AGBL4: variants seen among roughly 807,000 people sequenced by gnomAD.
AGBL4 encodes the protein cytosolic carboxypeptidase 6.
In AGBL4, 58 loss-of-function variants were observed where a neutral mutation model predicts 66.4. That is an observed-to-expected ratio of 0.87 (90% CI 0.71 to 1.09). The LOEUF is 1.09. Among genes scored for constraint, AGBL4 ranks in the 50% least tolerant of loss-of-function variants. AGBL4 has a pLI of 0.00. For synonymous variants in AGBL4, 234 were observed against 222.9 expected, an observed-to-expected ratio of 1.05 and a Z score of -0.44; for missense variants, 579 against 631.0, an observed-to-expected ratio of 0.92 and a Z score of 0.88.
intron 2 of AGBL4, among the ~76,000 whole-genome samples, chr1:49,848,474 T>C (rs1270303176): frequency 6.6e-6 from 1 of 152,246 alleles, no homozygotes; most frequent in East Asian, 1.9e-4. Context: ...AATGGAATAC[T>C]ATTCATCCAT....
intron 11 of AGBL4, among the ~76,000 whole-genome samples, chr1:48,554,396 G>T (rs979311413): frequency 1.3e-5 from 2 of 152,146 alleles, no homozygotes; most frequent in African/African-American, 4.8e-5. Flanking sequence ...GAATTGGCTT[G>T]CTTCACAGTT....
At chr1:48,732,246 G>A (rs1357857673) in intron 6 of AGBL4, among the ~76,000 whole-genome samples, 4 of 151,780 alleles carry the variant, frequency 2.6e-5, no homozygotes, top group East Asian at 1.9e-4. Flanking sequence ...AGAGAGAAGT[G>A]AGCAGTGCAG....
At chr1:49,230,602 T>A (rs971070937) in intron 4 of AGBL4, among the ~76,000 whole-genome samples, 1 of 152,170 alleles carries the variant, frequency 6.6e-6, no homozygotes, top group Non-Finnish European at 1.5e-5. Flanking sequence ...TTTAAATCTA[T>A]CTTGGGGTTT....
intron 4 of AGBL4, among the ~76,000 whole-genome samples, chr1:49,092,421 C>T (rs530043552): frequency 6.6e-6 from 1 of 152,256 alleles, no homozygotes; most frequent in African/African-American, 2.4e-5. Context: ...TCTGTTTGTC[C>T]TACACTTGGA....
chr1:49,882,833 ATT>A (rs1647545238), intron 1 of AGBL4, among the ~76,000 whole-genome samples: 1 of 152,110 alleles, frequency 6.6e-6, no homozygotes, highest in South Asian at 2.1e-4. Flanking sequence ...TTGTTGAGGC[ATT>A]GTTTGTTTTA....
chr1:48,541,791 A>G, intron 11 of AGBL4, among the ~76,000 whole-genome samples: 1 of 152,314 alleles, frequency 6.6e-6, no homozygotes, highest in Admixed American at 6.5e-5. Flanking sequence ...AAAAAAATAA[A>G]ATAAATAAAT....
chr1:48,671,205 C>T (rs1011400545), intron 6 of AGBL4, among the ~76,000 whole-genome samples: 1 of 152,218 alleles, frequency 6.6e-6, no homozygotes, highest in Non-Finnish European at 1.5e-5. Flanking sequence ...GTTATGCCAG[C>T]CAGGGTTGCT....
At position 49,241,849 on chromosome 1, in the gene AGBL4, T is replaced by G. The variant is rs534185112; in HGVS notation, c.377+3921A>C. On this transcript the variant is annotated intron_variant, in intron 4 of 13. Transcript: ENST00000371839. The stretch of plus-strand genomic sequence containing the variant: ...TACACATTCAGTTCACATTTGTTTC[T>G]TATAACAACGCTGGGAGGAAGTATT... Among the ~76,000 whole-genome samples the G allele has an allele frequency of 5.3e-5, 8 of 152,148 alleles. No individual in the cohort carries two copies. In the East Asian group the frequency reaches 1.5e-3, roughly 29 times the overall value.
chr1:49,284,236 T>G (rs1027388240), intron 3 of AGBL4, among the ~76,000 whole-genome samples: 61 of 151,984 alleles, frequency 4.0e-4, no homozygotes, highest in South Asian at 1.2e-3. Flanking sequence ...TTAAAGAAAA[T>G]AATTTTCAAT....
At chr1:49,978,848 T>C (rs1246115683) in intron 1 of AGBL4, among the ~76,000 whole-genome samples, 1 of 152,240 alleles carries the variant, frequency 6.6e-6, no homozygotes, top group East Asian at 1.9e-4. Context: ...TTCTGTATTA[T>C]CTGAATTTTT....
intron 3 of AGBL4, among the ~76,000 whole-genome samples, chr1:49,452,667 G>C (rs1296981068): frequency 6.6e-6 from 1 of 151,764 alleles, no homozygotes; most frequent in African/African-American, 2.4e-5. Context: ...AGAATTAATT[G>C]TTGTTACTTC....
intron 6 of AGBL4, among the ~76,000 whole-genome samples, chr1:48,852,065 T>G (rs1003618027): frequency 6.9e-6 from 1 of 144,600 alleles, no homozygotes; most frequent in African/African-American, 2.6e-5. Flanking sequence ...TCTTATCTAA[T>G]GCTCATGACA....
intron 4 of AGBL4, among the ~76,000 whole-genome samples, chr1:49,181,436 A>C (rs1646929345): frequency 6.6e-6 from 1 of 152,224 alleles, no homozygotes; most frequent in African/African-American, 2.4e-5. Context: ...AGAATGGTGC[A>C]TTCAGTCAGA....
At chr1:48,891,491 C>T (rs1202659541) in intron 5 of AGBL4, among the ~76,000 whole-genome samples, 1 of 152,122 alleles carries the variant, frequency 6.6e-6, no homozygotes, top group African/African-American at 2.4e-5. Context: ...ATCAAGAAGC[C>T]CCCAGTCTGA....
chr1:49,601,823 C>T (rs1180604759), intron 3 of AGBL4, among the ~76,000 whole-genome samples: 2 of 152,082 alleles, frequency 1.3e-5, no homozygotes, highest in Non-Finnish European at 2.9e-5. Context: ...ACATCAAAAG[C>T]AATGGCAACA....
At chr1:49,312,193 C>G (rs576850537) in intron 3 of AGBL4, among the ~76,000 whole-genome samples, 27 of 152,150 alleles carry the variant, frequency 1.8e-4, no homozygotes, top group Admixed American at 1.6e-3. Flanking sequence ...CATGGTGGCT[C>G]TACTCCATGA....
chr1:49,260,502 A>C (rs966801536), intron 3 of AGBL4, among the ~76,000 whole-genome samples: 2 of 152,176 alleles, frequency 1.3e-5, no homozygotes, highest in African/African-American at 4.8e-5. Context: ...CAAAAATACA[A>C]ACTACCATCA....
chr1:48,545,133 T>G (rs1164862804), intron 11 of AGBL4, among the ~76,000 whole-genome samples: 1 of 152,148 alleles, frequency 6.6e-6, no homozygotes, highest in East Asian at 1.9e-4. Context: ...TTCTCACCAT[T>G]CCATACTGAG....
chr1:49,651,855 C>A (rs1167973871), intron 3 of AGBL4, among the ~76,000 whole-genome samples: 2 of 151,932 alleles, frequency 1.3e-5, no homozygotes, highest in South Asian at 2.1e-4. Context: ...TACAATGGAT[C>A]CTGACCAAAA....
Sources: allele counts gnomAD v4.1 joint callset (sites outside exome capture counted in the v4.1 genomes callset), GRCh38; gene constraint gnomAD v4.1.1; transcripts MANE v1.5; gene names NCBI Gene and HGNC (gene_info 2026-07-23, HGNC 2026-07-21).